SIK3: variants seen among roughly 807,000 people sequenced by gnomAD.
SIK3 encodes serine/threonine-protein kinase SIK3.
In SIK3, 28 loss-of-function variants were observed where a neutral mutation model predicts 144.2. The observed-to-expected ratio is 0.19, with a 90% CI of 0.14 to 0.27. SIK3 has a LOEUF of 0.27. Among genes scored for constraint, SIK3 ranks in the 10% least tolerant of loss-of-function variants. The pLI is 1.00. For synonymous variants in SIK3, 686 were observed against 676.3 expected (o/e 1.01, Z -0.22); for missense variants, 1,319 against 1,776.0 (o/e 0.74, Z 4.62).
intron 1 of SIK3, among the ~76,000 whole-genome samples, chr11:117,000,530 G>T (rs1950812861): frequency 6.6e-6 from 1 of 152,200 alleles, no homozygotes. Flanking sequence ...AATGCTGTCA[G>T]ATTACTAAAA....
chr11:117,078,555 C>A (rs1954653750), intron 1 of SIK3, among the ~76,000 whole-genome samples: 1 of 151,290 alleles, frequency 6.6e-6, no homozygotes, highest in Non-Finnish European at 1.5e-5. Context: ...GCTGGGATTA[C>A]AGGCCCAGCT....
At chr11:117,047,544 C>G (rs976512532) in intron 1 of SIK3, among the ~76,000 whole-genome samples, 2 of 152,194 alleles carry the variant, frequency 1.3e-5, no homozygotes, top group Admixed American at 1.3e-4. Flanking sequence ...TCTCTTAAAA[C>G]AGTCCAAGCC....
At chr11:116,877,210 G>C (rs762602729) in intron 6 of SIK3, among the ~76,000 whole-genome samples, 168 bp from the exon 7 acceptor site, 1 of 152,126 alleles carries the variant, frequency 6.6e-6, no homozygotes, top group Non-Finnish European at 1.5e-5. Context: ...CACCAGAAGG[G>C]GCTAAGCAAA....
At chr11:117,041,098 C>T (rs988692571) in intron 1 of SIK3, among the ~76,000 whole-genome samples, 1 of 151,824 alleles carries the variant, frequency 6.6e-6, no homozygotes, top group African/African-American at 2.4e-5. Context: ...ATTAATATTG[C>T]TCAAAGTGGA....
chr11:116,897,155 G>C, intron 5 of SIK3, 38 bp downstream of exon 5: 1 of 1,602,900 alleles, frequency 6.2e-7, no homozygotes, highest in South Asian at 1.1e-5. Context: ...ACCAAGGGTA[G>C]CTAATGCTGT....
rs756203815 is a variant in SIK3, at chr11:116,858,505, GGCT to G, written c.2957_2959del (p.Gln986del). ...TAGTGCCGACGTGGTATAGTGTGGCGGCTGCTGATGTGCACTGGGAGGGAAGGT... is the reference window on the plus strand; with the variant it reads ...TAGTGCCGACGTGGTATAGTGTGGCGGCTGATGTGCACTGGGAGGGAAGGT... On this transcript the variant is annotated inframe_deletion, in exon 21 of 25. Transcript: ENST00000445177. The surrounding 1 kb of genome is among the most constrained non-coding windows in gnomAD (Gnocchi z 5.4). 1.9e-5 allele frequency: 31 copies of G among 1,611,376 alleles called. No homozygotes were observed. Among genetic ancestry groups the G allele is most frequent in the Middle Eastern group, 3.3e-4 (2 of 6,074 alleles).
At chr11:117,093,301 G>C (rs1955326642) in intron 1 of SIK3, among the ~76,000 whole-genome samples, 1 of 152,100 alleles carries the variant, frequency 6.6e-6, no homozygotes. Flanking sequence ...ACTTTGACTT[G>C]TTCTCCTCAT....
chr11:116,968,923 C>A (rs1949661046), intron 1 of SIK3, among the ~76,000 whole-genome samples: 1 of 152,074 alleles, frequency 6.6e-6, no homozygotes. Flanking sequence ...TACTTTTAAG[C>A]CAATTAACAT....
chr11:116,986,058 C>T (rs1196763061), intron 1 of SIK3, among the ~76,000 whole-genome samples: 3 of 151,582 alleles, frequency 2.0e-5, no homozygotes, highest in African/African-American at 4.8e-5. Context: ...ATTCTGGTGG[C>T]AAAAAAAAGT....
In SIK3 at chr11:116,899,804, C is replaced by T. The variant is rs533341082; in HGVS notation, c.617-2487G>A. On this transcript the variant is annotated intron_variant, in intron 4 of 24. Transcript: ENST00000445177. The stretch of plus-strand genomic sequence containing the variant: ...TGTGACAGGCTAGAAATCCCTCATG[C>T]CCCAGGGACACCATGCTCCCTGAAA... Among the ~76,000 whole-genome samples the T allele has an allele frequency of 7.9e-5, 12 of 152,242 alleles. No homozygotes were observed. In the East Asian group the frequency reaches 2.1e-3, roughly 27 times the overall value.
intron 3 of SIK3, among the ~76,000 whole-genome samples, chr11:116,931,771 C>A (rs1241672566): frequency 1.3e-5 from 2 of 152,190 alleles, no homozygotes; most frequent in Non-Finnish European, 2.9e-5. Context: ...TCCTGTTTAT[C>A]AAACAAACGC....
At chr11:117,095,639 C>T (rs887813283) in intron 1 of SIK3, among the ~76,000 whole-genome samples, 1 of 152,140 alleles carries the variant, frequency 6.6e-6, no homozygotes, top group African/African-American at 2.4e-5. Flanking sequence ...CTAAGCTGTC[C>T]GCATTTGAGA....
At chr11:116,928,064 A>G (rs1049620049) in intron 3 of SIK3, among the ~76,000 whole-genome samples, 2 of 152,218 alleles carry the variant, frequency 1.3e-5, no homozygotes, top group Non-Finnish European at 2.9e-5. Context: ...TGAAGTTTCT[A>G]CCAACTCAAA....
intron 4 of SIK3, among the ~76,000 whole-genome samples, chr11:116,912,962 G>A (rs1162569790): frequency 6.6e-6 from 1 of 152,158 alleles, no homozygotes; most frequent in Non-Finnish European, 1.5e-5. Context: ...CTATTAAAAT[G>A]GAACATGACG....
At chr11:116,988,009 T>C (rs1950378325) in intron 1 of SIK3, among the ~76,000 whole-genome samples, 2 of 152,146 alleles carry the variant, frequency 1.3e-5, no homozygotes, top group Non-Finnish European at 2.9e-5. Context: ...AGAAAGATCT[T>C]TGGAAATTTC....
chr11:117,014,048 C>T (rs1287437121), intron 1 of SIK3, among the ~76,000 whole-genome samples: 1 of 126,202 alleles, frequency 7.9e-6, no homozygotes, highest in Non-Finnish European at 1.6e-5. Context: ...GTTGTACTCA[C>T]GGCTCACTGC....
chr11:116,934,421 G>T (rs1947790524), intron 3 of SIK3, among the ~76,000 whole-genome samples: 2 of 152,224 alleles, frequency 1.3e-5, no homozygotes, highest in South Asian at 4.1e-4. Context: ...AATCTAAAAA[G>T]GCACACTAAC....
At chr11:116,924,262 C>G (rs971198732) in intron 4 of SIK3, among the ~76,000 whole-genome samples, 2 of 150,700 alleles carry the variant, frequency 1.3e-5, no homozygotes, top group Non-Finnish European at 3.0e-5. Flanking sequence ...TGCCACTGCA[C>G]TCCAGCCTGG....
Position 116,946,036 on chromosome 11 carries a change from T to G in SIK3, c.454+8008A>C, listed in dbSNP as rs1948571738. 2.0e-5 allele frequency among the ~76,000 whole-genome samples: 3 copies of G among 152,220 alleles called. No individual in the cohort carries two copies. The South Asian group carries it at 6.2e-4, about 31-fold the overall frequency. ...AAATTGCCTACACCCACATGCATCC[T>G]TTATCTTCTATCCTTCTTCATGTGC... On this transcript the variant is annotated intron_variant, in intron 3 of 24. Coordinates refer to ENST00000445177, the MANE Select transcript of SIK3 (RefSeq NM_001366686.3).
Sources: allele counts gnomAD v4.1 joint callset (sites outside exome capture counted in the v4.1 genomes callset), GRCh38; gene constraint gnomAD v4.1.1; non-coding constraint Gnocchi (gnomAD v3.1); transcripts MANE v1.5; gene names NCBI Gene and HGNC (gene_info 2026-07-23, HGNC 2026-07-21).